Variants in PILRB observed in about 807,000 individuals in gnomAD.
PILRB encodes the protein paired immunoglobulin-like type 2 receptor beta.
Under a neutral mutation model 20.5 loss-of-function variants are expected in PILRB, and 21 were observed. The observed-to-expected ratio is 1.02, with a 90% CI of 0.72 to 1.47. PILRB has a LOEUF of 1.47. PILRB is among the 40% of genes most tolerant of loss of function. The pLI is 0.00. For missense variants in PILRB, 253 were observed against 272.1 expected (o/e 0.93, Z 0.49); for synonymous variants, 133 against 115.1 (o/e 1.16, Z -0.99).
intron 3 of PILRB, among the ~76,000 whole-genome samples, chr7:100,360,474 G>A (rs769042605): frequency 9.2e-5 from 14 of 152,148 alleles, no homozygotes; most frequent in Non-Finnish European, 1.9e-4. Flanking sequence ...TTGTGTAGAG[G>A]TCACTCACTT....
chr7:100,361,463 G>A (rs1455979075), intron 3 of PILRB, among the ~76,000 whole-genome samples: 2 of 152,102 alleles, frequency 1.3e-5, no homozygotes, highest in African/African-American at 2.4e-5. Context: ...AGGCCAAGGC[G>A]GCTGGATCAC....
intron 3 of PILRB, among the ~76,000 whole-genome samples, chr7:100,360,349 G>T (rs1348581147): frequency 6.6e-6 from 1 of 151,222 alleles, no homozygotes; most frequent in African/African-American, 2.4e-5. Flanking sequence ...AAGAACTATG[G>T]TATTGCTAAA....
chr7:100,359,299 C>T (rs1435305544), intron 2 of PILRB, 38 bp from the exon 3 acceptor site: 1 of 1,604,112 alleles, frequency 6.2e-7, no homozygotes, highest in South Asian at 1.1e-5. Flanking sequence ...CGCCCCACAC[C>T]CCCAGAAGAG....
intron 3 of PILRB, among the ~76,000 whole-genome samples, chr7:100,362,508 CCTTTCCTT>C: frequency 6.6e-6 from 1 of 152,074 alleles, no homozygotes; most frequent in South Asian, 2.1e-4. Flanking sequence ...AGATTGAACA[CCTTTCCTT>C]TTTTTTTTTT....
chr7:100,365,685 G>T (rs930978547), intron 3 of PILRB, among the ~76,000 whole-genome samples: 1 of 152,024 alleles, frequency 6.6e-6, no homozygotes, highest in Admixed American at 6.6e-5. Flanking sequence ...CTGGTGTGGC[G>T]GGGGCACCTG....
At chr7:100,360,274 C>T (rs961770245) in intron 3 of PILRB, among the ~76,000 whole-genome samples, 1 of 152,226 alleles carries the variant, frequency 6.6e-6, no homozygotes, top group African/African-American at 2.4e-5. Flanking sequence ...AGCATAGGCT[C>T]TGCTCTCAGG....
intron 3 of PILRB, among the ~76,000 whole-genome samples, chr7:100,360,958 C>T (rs1790507768): frequency 6.6e-6 from 1 of 152,026 alleles, no homozygotes; most frequent in Admixed American, 6.6e-5. Flanking sequence ...GTTTTTGAGA[C>T]AGAGTTTTGT....
Position 100,359,447 on chromosome 7 carries a change from GC to G in PILRB, c.567del (p.Ile190SerfsTer50). 6.2e-7 allele frequency: 1 copy of G among 1,614,148 alleles called. No homozygotes were observed. Among genetic ancestry groups the G allele is most frequent in the Non-Finnish European group, 8.5e-7 (1 of 1,180,012 alleles). On this transcript the variant is annotated frameshift_variant, in exon 3 of 4. Coordinates refer to ENST00000609309, the MANE Select transcript of PILRB (RefSeq NM_178238.4). LOFTEE classifies it high-confidence loss of function. Reference sequence around the variant, plus strand: ...ATCATGGCACCTAAGTCTGGACACTGCCATCAGGGTTGCATTGGCTGTCGCT... The same window carrying G: ...ATCATGGCACCTAAGTCTGGACACTGCATCAGGGTTGCATTGGCTGTCGCT... ...SESWHLSLDT[A>X]IRVALAVAVL...
At chr7:100,359,974 G>A (rs956143875) in intron 3 of PILRB, among the ~76,000 whole-genome samples, 2 of 152,194 alleles carry the variant, frequency 1.3e-5, no homozygotes, top group African/African-American at 4.8e-5. Flanking sequence ...AGTGAGTCAA[G>A]GTCGTGCCAC....
intron 1 of PILRB, 97 bp from the exon 2 acceptor site, chr7:100,358,593 G>A: frequency 6.8e-7 from 1 of 1,479,084 alleles, no homozygotes; most frequent in Non-Finnish European, 9.2e-7. Context: ...TCACACGACT[G>A]CCTGTGGGTG....
intron 3 of PILRB, among the ~76,000 whole-genome samples, chr7:100,361,689 T>C (rs1790531657): frequency 6.6e-6 from 1 of 152,106 alleles, no homozygotes; most frequent in Non-Finnish European, 1.5e-5. Flanking sequence ...CGAGACTCCA[T>C]CTATAAAAAG....
At chr7:100,366,286 A>G (rs1346023643) in intron 3 of PILRB, among the ~76,000 whole-genome samples, 2 of 152,186 alleles carry the variant, frequency 1.3e-5, no homozygotes, top group African/African-American at 2.4e-5. Context: ...GAAAGTTGCA[A>G]TATGAAAATG....
intron 1 of PILRB, 33 bp downstream of exon 1, chr7:100,358,399 T>G: frequency 6.2e-7 from 1 of 1,608,306 alleles, no homozygotes; most frequent in Non-Finnish European, 8.5e-7. Context: ...GTATGGTCTC[T>G]GCCCAAACCA....
chr7:100,358,392 T>C (rs757130657), intron 1 of PILRB, 26 bp downstream of exon 1: 3 of 1,610,034 alleles, frequency 1.9e-6, no homozygotes, highest in South Asian at 2.2e-5. Flanking sequence ...CGCCCAGGTA[T>C]GGTCTCTGCC....
chr7:100,361,097 G>GCCCA (rs1790512154), intron 3 of PILRB, among the ~76,000 whole-genome samples: 1 of 151,940 alleles, frequency 6.6e-6, no homozygotes, highest in Non-Finnish European at 1.5e-5. Flanking sequence ...CACCACACCT[G>GCCCA]GCTAATTTTT....
At chr7:100,360,677 A>T (rs1198785128) in intron 3 of PILRB, among the ~76,000 whole-genome samples, 1 of 152,180 alleles carries the variant, frequency 6.6e-6, no homozygotes, top group Non-Finnish European at 1.5e-5. Context: ...GAATGGCCAG[A>T]GGTGGGCCAG....
chr7:100,360,388 G>A (rs1563109149), intron 3 of PILRB, among the ~76,000 whole-genome samples: 1 of 152,112 alleles, frequency 6.6e-6, no homozygotes. Flanking sequence ...GAGGTAATCA[G>A]GGAGGACTTC....
In PILRB at chr7:100,367,449, T is replaced by C. The variant is rs551992875; in HGVS notation, c.*72T>C. On this transcript the variant is annotated 3_prime_UTR_variant, in exon 4 of 4. Coordinates refer to ENST00000609309, the MANE Select transcript of PILRB (RefSeq NM_178238.4). The stretch of plus-strand genomic sequence containing the variant: ...TGATGTGAGACCCGCTTGTGAGTCC[T>C]CCACACTCGTTCCCCATTGGCAAGA... 2 of 771,970 alleles carry C rather than the reference T, an allele frequency of 2.6e-6. No homozygotes were observed. The allele number at this position is 771,970 out of a possible 1,614,324, so 47.8% of individuals were successfully genotyped here.
chr7:100,360,962 GT>G (rs1790507892), intron 3 of PILRB, among the ~76,000 whole-genome samples: 1 of 152,130 alleles, frequency 6.6e-6, no homozygotes, highest in Non-Finnish European at 1.5e-5. Flanking sequence ...TTGAGACAGA[GT>G]TTTGTTCTGT....
Sources: gnomAD v4.1 joint callset for allele counts (sites outside exome capture counted in the v4.1 genomes callset) on GRCh38, gnomAD v4.1.1 for gene constraint, MANE v1.5 for transcripts, NCBI Gene and HGNC (gene_info 2026-07-23, HGNC 2026-07-21) for gene names.